The following CDH13 variants were observed in gnomAD, a reference collection of about 807,000 sequenced individuals.
The protein encoded by CDH13 is cadherin 13.
In CDH13, 24 loss-of-function variants were observed where a neutral mutation model predicts 63.8. The ratio of observed to expected loss-of-function variants is 0.38; its 90% confidence interval spans 0.27 to 0.53. The LOEUF (loss-of-function observed/expected upper bound fraction) is 0.53. CDH13 is among the 20% of genes least tolerant of loss of function. The pLI, the probability that CDH13 is intolerant of heterozygous loss-of-function variation, is 0.85. For missense variants in CDH13, 1,049 were observed against 903.1 expected (o/e 1.16, Z -2.07); for synonymous variants, 503 against 355.3 (o/e 1.42, Z -4.67).
In CDH13 at chr16:83,308,880, A is replaced by G. The variant is rs182644653; in HGVS notation, c.637-35982A>G. On this transcript the variant is annotated intron_variant, in intron 5 of 13. Transcript: ENST00000567109. ...AGATGCTGAAACTTAAAGAATGAAA[A>G]CCATCAACTAGAAGAGAGTAGGGGA... Among the ~76,000 whole-genome samples the G allele has an allele frequency of 1.0e-3, 158 of 152,356 alleles. 1 individual carries two copies. The highest frequency in any genetic ancestry group is 3.6e-3 in the African/African-American group (149 of 41,584).
At chr16:82,996,440 C>T (rs1052412767) in intron 2 of CDH13, among the ~76,000 whole-genome samples, 6 of 152,074 alleles carry the variant, frequency 3.9e-5, no homozygotes, top group African/African-American at 1.2e-4. Flanking sequence ...GCCCAGGACC[C>T]AGCATGGTCC....
chr16:82,667,299 G>A (rs1050117807), intron 1 of CDH13, among the ~76,000 whole-genome samples: 1 of 152,186 alleles, frequency 6.6e-6, no homozygotes, highest in Non-Finnish European at 1.5e-5. Context: ...TGAAGGAAGA[G>A]GGGATTGAGG....
intron 7 of CDH13, among the ~76,000 whole-genome samples, chr16:83,539,342 G>A (rs2075256777): frequency 6.6e-6 from 1 of 152,160 alleles, no homozygotes; most frequent in African/African-American, 2.4e-5. Context: ...TGATCTGACA[G>A]GAGGCGGAGC....
intron 7 of CDH13, among the ~76,000 whole-genome samples, chr16:83,501,819 C>A (rs1031578307): frequency 1.4e-4 from 22 of 152,210 alleles, no homozygotes; most frequent in African/African-American, 5.3e-4. Context: ...ACAACTTTAT[C>A]TTTTATCAGA....
rs1043521434 is a variant in CDH13, at chr16:83,797,128, G to C, written c.*2098G>C. On this transcript the variant is annotated 3_prime_UTR_variant, in exon 14 of 14. Transcript: ENST00000567109. ...CACCTTGCTCCCCTCTTCCTGCAAGGCAGGGGGAGAACGTTCATCCTTGAA... is the reference window on the plus strand; with the variant it reads ...CACCTTGCTCCCCTCTTCCTGCAAGCCAGGGGGAGAACGTTCATCCTTGAA... The C allele has an allele frequency of 1.3e-5, 2 of 152,270 alleles. No individual in the cohort carries two copies. The highest frequency in any genetic ancestry group is 2.9e-5 in the Non-Finnish European group (2 of 68,058). The allele number at this position is 152,270 out of a possible 1,614,324, so 9.4% of individuals were successfully genotyped here.
At chr16:83,401,427 G>A (rs1350127995) in intron 6 of CDH13, among the ~76,000 whole-genome samples, 1 of 151,976 alleles carries the variant, frequency 6.6e-6, no homozygotes, top group Admixed American at 6.6e-5. Flanking sequence ...TGGGAGAATC[G>A]TTTGAACCTG....
At chr16:82,637,945 C>A (rs1489656304) in intron 1 of CDH13, among the ~76,000 whole-genome samples, 2 of 152,162 alleles carry the variant, frequency 1.3e-5, no homozygotes, top group Admixed American at 1.3e-4. Flanking sequence ...TCTCATGGAG[C>A]TTACAGTTTT....
intron 1 of CDH13, among the ~76,000 whole-genome samples, chr16:82,713,855 A>G (rs2032153150): frequency 6.6e-6 from 1 of 151,838 alleles, no homozygotes; most frequent in Non-Finnish European, 1.5e-5. Context: ...TCCCTTTAAC[A>G]GGGCTATTGT....
At chr16:83,647,380 C>T (rs963233119) in intron 8 of CDH13, among the ~76,000 whole-genome samples, 1 of 151,706 alleles carries the variant, frequency 6.6e-6, no homozygotes, top group Non-Finnish European at 1.5e-5. Context: ...TACCGTGTTG[C>T]TCACGGGTGA....
At chr16:83,369,007 AT>A (rs1162491963) in intron 6 of CDH13, among the ~76,000 whole-genome samples, 1 of 145,028 alleles carries the variant, frequency 6.9e-6, no homozygotes, top group Non-Finnish European at 1.5e-5. Flanking sequence ...GCAATTGCAA[AT>A]TGTGCTGCTA....
intron 1 of CDH13, among the ~76,000 whole-genome samples, chr16:82,766,021 CTT>C (rs973628187): frequency 1.1e-4 from 17 of 152,286 alleles, no homozygotes; most frequent in Middle Eastern, 3.4e-3. Context: ...TACAGCAACT[CTT>C]TATATTCTGG....
chr16:82,921,689 A>T (rs1443236274), intron 2 of CDH13, among the ~76,000 whole-genome samples: 1 of 152,004 alleles, frequency 6.6e-6, no homozygotes, highest in East Asian at 1.9e-4. Flanking sequence ...TTCCTGAGAG[A>T]TATTGGTCTT....
intron 1 of CDH13, among the ~76,000 whole-genome samples, chr16:82,670,434 C>G (rs772970053): frequency 6.6e-6 from 1 of 152,132 alleles, no homozygotes; most frequent in Non-Finnish European, 1.5e-5. Flanking sequence ...CACTTGAAAC[C>G]AAATCAAAAG....
chr16:82,807,462 G>C (rs1454268856), intron 1 of CDH13, among the ~76,000 whole-genome samples: 2 of 152,154 alleles, frequency 1.3e-5, no homozygotes, highest in Admixed American at 1.3e-4. Flanking sequence ...CAAGATCAAG[G>C]GGAAGGGTCA....
chr16:83,699,544 C>G (rs1905892956), intron 10 of CDH13, among the ~76,000 whole-genome samples: 1 of 152,176 alleles, frequency 6.6e-6, no homozygotes, highest in Non-Finnish European at 1.5e-5. Flanking sequence ...AGTTCCATTT[C>G]TTAGCTGTCT....
At chr16:83,208,873 A>G (rs1267872824) in intron 4 of CDH13, among the ~76,000 whole-genome samples, 3 of 152,184 alleles carry the variant, frequency 2.0e-5, no homozygotes, top group Admixed American at 2.0e-4. Flanking sequence ...ATTTATCTAG[A>G]AGCTGCCTTG....
intron 1 of CDH13, among the ~76,000 whole-genome samples, chr16:82,702,396 C>G (rs1472514233): frequency 2.0e-5 from 3 of 152,182 alleles, no homozygotes; most frequent in Non-Finnish European, 4.4e-5. Flanking sequence ...TAGACACTGA[C>G]AGTGTGACAG....
intron 2 of CDH13, among the ~76,000 whole-genome samples, chr16:82,894,722 A>G (rs1485787263): frequency 6.6e-6 from 1 of 152,188 alleles, no homozygotes; most frequent in African/African-American, 2.4e-5. Flanking sequence ...AATAGAGACG[A>G]TGGGAAGTAA....
At chr16:82,698,844 T>A (rs893724404) in intron 1 of CDH13, among the ~76,000 whole-genome samples, 13 of 152,358 alleles carry the variant, frequency 8.5e-5, no homozygotes, top group African/African-American at 2.9e-4. Context: ...GGACAGATAG[T>A]AAATATTTTA....
Sources: gnomAD v4.1 joint callset for allele counts (sites outside exome capture counted in the v4.1 genomes callset) on GRCh38, gnomAD v4.1.1 for gene constraint, MANE v1.5 for transcripts, NCBI Gene and HGNC (gene_info 2026-07-23, HGNC 2026-07-21) for gene names.